The following OR9Q1 variants were observed in gnomAD, a reference collection of about 807,000 sequenced individuals.
OR9Q1 encodes olfactory receptor 9Q1.
For missense variants in OR9Q1, 374 were observed against 378.8 expected (o/e 0.99, Z 0.11); for synonymous variants, 153 against 148.6 (o/e 1.03, Z -0.22).
intron 2 of OR9Q1, among the ~76,000 whole-genome samples, chr11:58,129,236 C>CGTGTGTGTGTGTGTGTGTGT (rs59902083): frequency 6.9e-6 from 1 of 144,756 alleles, no homozygotes; most frequent in African/African-American, 2.6e-5. Flanking sequence ...CAGAGCAATT[C>CGTGTGTGTGTGTGTGTGTGT]GTGTGTGTGT....
intron 2 of OR9Q1, among the ~76,000 whole-genome samples, chr11:58,143,195 T>G (rs779375951): frequency 6.6e-6 from 1 of 152,222 alleles, no homozygotes; most frequent in Non-Finnish European, 1.5e-5. Context: ...TAATTCTAAG[T>G]GTGTGTCAGA....
At chr11:58,123,848 T>C (rs904959406) in intron 2 of OR9Q1, among the ~76,000 whole-genome samples, 2 of 152,166 alleles carry the variant, frequency 1.3e-5, no homozygotes, top group Non-Finnish European at 2.9e-5. Flanking sequence ...AGTATAAAGA[T>C]TGATGTTGGA....
intron 2 of OR9Q1, among the ~76,000 whole-genome samples, chr11:58,096,579 A>G (rs1218365929): frequency 6.6e-6 from 1 of 152,076 alleles, no homozygotes. Context: ...CAGTGGCACT[A>G]TCAGCTCACT....
At chr11:58,170,436 AT>A (rs1854544048) in intron 2 of OR9Q1, among the ~76,000 whole-genome samples, 1 of 152,058 alleles carries the variant, frequency 6.6e-6, no homozygotes, top group Non-Finnish European at 1.5e-5. Flanking sequence ...ATTAAGATTC[AT>A]TTTCAGGAAT....
intron 2 of OR9Q1, among the ~76,000 whole-genome samples, chr11:58,161,952 T>C (rs1322990496): frequency 6.6e-6 from 1 of 152,232 alleles, no homozygotes; most frequent in Admixed American, 6.5e-5. Context: ...ATAGCATTGC[T>C]CAGAGCTTTC....
intron 2 of OR9Q1, among the ~76,000 whole-genome samples, chr11:58,155,941 A>T (rs1345820421): frequency 5.3e-5 from 7 of 131,840 alleles, no homozygotes; most frequent in African/African-American, 8.4e-5. Flanking sequence ...TTTGAGATAG[A>T]CTTGCTCTTT....
rs1327292603 is a variant in OR9Q1 at position 58,181,478 on chromosome 11, G to C, written c.*1101G>C. The C allele has an allele frequency of 6.2e-6, 1 of 162,560 alleles. No homozygotes were observed. The highest frequency in any genetic ancestry group is 6.9e-5 in the Admixed American group (1 of 14,498). 10.1% of individuals were successfully genotyped at this position (162,560 alleles called of 1,614,324 possible). On this transcript the variant is annotated 3_prime_UTR_variant, in exon 3 of 3. Transcript: ENST00000335397. ...CAATCAAACCCAAGGCACTGGAAGA[G>C]AGCAGGCCCCATCTATTAATTTTTT...
chr11:58,122,666 CCAT>C lies in OR9Q1; in HGVS notation c.-14-56758_-14-56756del, dbSNP rs1464439919. 5.3e-5 allele frequency among the ~76,000 whole-genome samples: 8 copies of C among 152,076 alleles called. No individual in the cohort carries two copies. The East Asian group carries it at 1.5e-3, about 29-fold the overall frequency. ...CCTTTACTCCTCAGTTCCTGATAAA[CCAT>C]CATCATTGGTCAGGGCAAGGCTCTT... On this transcript the variant is annotated intron_variant, in intron 2 of 2. Coordinates refer to ENST00000335397, the MANE Select transcript of OR9Q1 (RefSeq NM_001005212.4).
intron 2 of OR9Q1, among the ~76,000 whole-genome samples, chr11:58,104,152 CACTTT>C (rs1434241923): frequency 1.3e-5 from 2 of 152,136 alleles, no homozygotes; most frequent in Non-Finnish European, 2.9e-5. Flanking sequence ...TAGCCTAAAA[CACTTT>C]ACTATCTGAA....
At chr11:58,066,845 G>A (rs1853434814) in intron 2 of OR9Q1, among the ~76,000 whole-genome samples, 1 of 152,244 alleles carries the variant, frequency 6.6e-6, no homozygotes, top group East Asian at 1.9e-4. Context: ...GCACAGGAGA[G>A]GCCGGGGGTC....
intron 2 of OR9Q1, among the ~76,000 whole-genome samples, chr11:58,154,075 G>A (rs1854380440): frequency 6.6e-6 from 1 of 151,500 alleles, no homozygotes; most frequent in Non-Finnish European, 1.5e-5. Flanking sequence ...GGGAGAGAGC[G>A]AGAGAAGAAG....
intron 1 of OR9Q1, among the ~76,000 whole-genome samples, chr11:58,036,068 C>T (rs1853098101): frequency 6.6e-6 from 1 of 151,688 alleles, no homozygotes; most frequent in East Asian, 2.0e-4. Flanking sequence ...ATTCTCGCAA[C>T]ATTTTAAACT....
chr11:58,119,249 G>C (rs918291445), intron 2 of OR9Q1: 1 of 1,613,972 alleles, frequency 6.2e-7, no homozygotes, highest in South Asian at 1.1e-5. Flanking sequence ...AGCAGGGAGA[G>C]GTGGCTCAGG....
chr11:58,068,247 C>A (rs1853449240), intron 2 of OR9Q1, among the ~76,000 whole-genome samples: 1 of 151,268 alleles, frequency 6.6e-6, no homozygotes, highest in South Asian at 2.1e-4. Context: ...ACTCAGGAGA[C>A]TGAGGCAGGA....
chr11:58,034,557 A>G (rs1236230311), intron 1 of OR9Q1, among the ~76,000 whole-genome samples: 4 of 152,174 alleles, frequency 2.6e-5, no homozygotes, highest in Non-Finnish European at 5.9e-5. Context: ...AGTCACACCT[A>G]TATGTATCAT....
At chr11:58,115,915 C>G (rs183206862) in intron 2 of OR9Q1, among the ~76,000 whole-genome samples, 14 of 152,260 alleles carry the variant, frequency 9.2e-5, no homozygotes, top group African/African-American at 3.1e-4. Context: ...CCCCTTGCTC[C>G]TATATCTTGG....
At chr11:58,079,304 G>C (rs1485559425) in intron 2 of OR9Q1, among the ~76,000 whole-genome samples, 5 of 151,728 alleles carry the variant, frequency 3.3e-5, no homozygotes, top group South Asian at 2.1e-4. Flanking sequence ...TTTGCAAAAA[G>C]ATTCCTTGGG....
intron 2 of OR9Q1, among the ~76,000 whole-genome samples, chr11:58,087,846 A>T (rs996063101): frequency 6.6e-6 from 1 of 151,996 alleles, no homozygotes; most frequent in East Asian, 1.9e-4. Flanking sequence ...TTTGCTGAGA[A>T]TGATAGCTTC....
chr11:58,143,425 G>A (rs1311619335), intron 2 of OR9Q1, among the ~76,000 whole-genome samples: 1 of 152,176 alleles, frequency 6.6e-6, no homozygotes, highest in Non-Finnish European at 1.5e-5. Flanking sequence ...CTCCACAGGA[G>A]GCTGATTAAG....
Sources: gnomAD v4.1 joint callset for allele counts (sites outside exome capture counted in the v4.1 genomes callset) on GRCh38, gnomAD v4.1.1 for gene constraint, MANE v1.5 for transcripts, NCBI Gene and HGNC (gene_info 2026-07-23, HGNC 2026-07-21) for gene names.